ADAD2: variants seen among roughly 807,000 people sequenced by gnomAD.
ADAD2 encodes adenosine deaminase domain containing 2.
A neutral mutation model predicts 54.5 loss-of-function variants in ADAD2; 60 were observed. That is an observed-to-expected ratio of 1.10 (90% CI 0.89 to 1.36). ADAD2 has a LOEUF of 1.36. ADAD2 is among the 40% of genes most tolerant of loss of function. The pLI is 0.00. For missense variants in ADAD2, 1,103 were observed against 801.3 expected, an observed-to-expected ratio of 1.38 and a Z score of -4.54; for synonymous variants, 543 against 366.2, an observed-to-expected ratio of 1.48 and a Z score of -5.51.
At chr16:84,194,614 C>A (rs1164986195) in intron 2 of ADAD2, 32 bp downstream of exon 2, 1 of 1,583,652 alleles carries the variant, frequency 6.3e-7, no homozygotes, top group African/African-American at 1.3e-5. Flanking sequence ...AGCTGAGCCG[C>A]AGCTGGGGAC....
chr16:84,191,863 C>A, intron 1 of ADAD2: 1 of 717,922 alleles, frequency 1.4e-6, no homozygotes, highest in Non-Finnish European at 2.4e-6. Flanking sequence ...AGATGCTCAA[C>A]TGTGAAAGAG....
Position 84,191,469 on chromosome 16 carries a change from C to G in ADAD2, c.239C>G (p.Ala80Gly), listed in dbSNP as rs973545676. Residue 80 changes from alanine to glycine, a missense_variant, in exon 1 of 10, where the codon GCA becomes GGA. Coordinates refer to ENST00000315906, the MANE Select transcript of ADAD2 (RefSeq NM_001145400.2). ...GGGGCCGGAGTCGGGGAACTGGGGG[C>G]AGCCCGGGCGTGGGAAAACTTGGGG... ...GAGAGVGELG[A>G]ARAWENLGEQ... The G allele has an allele frequency of 4.6e-6, 7 of 1,532,944 alleles. No homozygotes were observed. Among genetic ancestry groups the G allele is most frequent in the Non-Finnish European group, 6.1e-6 (7 of 1,142,082 alleles). The allele number at this position is 1,532,944 out of a possible 1,614,324, so 95.0% of individuals were successfully genotyped here.
At position 84,196,861 on chromosome 16, in the gene ADAD2, C is replaced by G; in HGVS notation, c.1648-9C>G. On this transcript the variant is annotated splice_polypyrimidine_tract_variant and intron_variant, in intron 9 of 9. Coordinates refer to ENST00000315906, the MANE Select transcript of ADAD2 (RefSeq NM_001145400.2). Reference sequence around the variant, plus strand: ...CTCCTCTCACCCCACCTCTCATCTCCCGCCCTAGGCTGGGCCCTACCAGGA... The same window carrying G: ...CTCCTCTCACCCCACCTCTCATCTCGCGCCCTAGGCTGGGCCCTACCAGGA... 6.3e-7 allele frequency: 1 copy of G among 1,589,056 alleles called. No homozygotes were observed. Among genetic ancestry groups the G allele is most frequent in the Non-Finnish European group, 8.6e-7 (1 of 1,165,944 alleles).
In ADAD2 at chr16:84,191,391, C is replaced by T. The variant is rs548863737; in HGVS notation, c.161C>T (p.Ala54Val). Reference sequence around the variant, plus strand: ...GCGCCCGCGCCCGCGACGTATCGCGCGGAGGGCGGGTGGCCCCAGGTCTCG... The same window carrying T: ...GCGCCCGCGCCCGCGACGTATCGCGTGGAGGGCGGGTGGCCCCAGGTCTCG... The part of the protein sequence containing the change: ...GPAPAPATYR[A>V]EGGWPQVSVL... Residue 54 changes from alanine (A) to valine (V), a missense_variant, in exon 1 of 10, where the codon GCG becomes GTG. By Grantham distance (64) the Ala-to-Val change is moderately conservative. Transcript: ENST00000315906. 8 of 1,503,680 alleles carry T rather than the reference C, an allele frequency of 5.3e-6. 1 individual carries two copies. Among genetic ancestry groups the T allele is most frequent in the South Asian group, 3.8e-5 (3 of 79,008 alleles). The allele number at this position is 1,503,680 out of a possible 1,614,324, so 93.1% of individuals were successfully genotyped here. A position where few individuals can be genotyped will look rare whatever the true frequency, so the allele number is the denominator to read the frequency against.
chr16:84,195,530 G>A lies in ADAD2; in HGVS notation c.885G>A (p.Arg295=). The A allele has an allele frequency of 6.3e-7, 1 of 1,599,176 alleles. No homozygotes were observed. The highest frequency in any genetic ancestry group is 8.5e-7 in the Non-Finnish European group (1 of 1,171,950). ...GLVIARRALL[R]FLFRQLLLAT... is the part of the protein sequence containing the mutation. The stretch of plus-strand genomic sequence containing the variant: ...ACCACCCTGTGCCTGTCGCTCCTAG[G>A]TTCTTGTTCCGGCAGCTCCTGCTGG... Residue 295 remains arginine (R), a splice_region_variant and synonymous_variant, in exon 6 of 10, where the codon AGG becomes AGA. Coordinates refer to ENST00000315906, the MANE Select transcript of ADAD2 (RefSeq NM_001145400.2).
Position 84,194,533 on chromosome 16 carries a change from G to A in ADAD2, c.510G>A (p.Gln170=), listed in dbSNP as rs750764393. The A allele has an allele frequency of 1.2e-6, 2 of 1,611,398 alleles. No homozygotes were observed. The highest frequency in any genetic ancestry group is 1.1e-5 in the South Asian group (1 of 90,304). The change falls in exon 2 of 10, where the codon CAG becomes CAA. Residue 170 remains glutamine, a synonymous_variant. Transcript: ENST00000315906. ...ATAGCAAGACGGAGGCCAAACAGCA[G>A]GCAGCGCTCTCTGCCCTCTGCTACA... The part of the protein sequence containing the change: ...TANSKTEAKQ[Q]AALSALCYIR...
chr16:84,194,499 G>A lies in ADAD2; in HGVS notation c.476G>A (p.Gly159Asp), dbSNP rs771949137. The A allele has an allele frequency of 1.9e-6, 3 of 1,612,250 alleles. No individual in the cohort carries two copies. In the East Asian group the frequency reaches 6.7e-5, roughly 36 times the overall value. Residue 159 changes from glycine to aspartate, a missense_variant, in exon 2 of 10, where the codon GGC becomes GAC. By Grantham distance (94) the Gly-to-Asp change is moderately conservative (BLOSUM62 -1). Transcript: ENST00000315906. ...AELDGVVCPA[G>D]TANSKTEAKQ... ...CTGGATGGGGTGGTCTGCCCTGCGG[G>A]CACTGCGAATAGCAAGACGGAGGCC...
intron 1 of ADAD2, chr16:84,192,808 T>C (rs989888404): frequency 1.3e-5 from 2 of 151,686 alleles, no homozygotes; most frequent in African/African-American, 4.9e-5. Context: ...CCTCCCAAAG[T>C]GCTGGGATTA....
In ADAD2 at chr16:84,195,654, C is replaced by T; in HGVS notation, c.1009C>T (p.Leu337Phe). The T allele has an allele frequency of 1.3e-6, 2 of 1,592,896 alleles. No individual in the cohort carries two copies. The highest frequency in any genetic ancestry group is 1.7e-4 in the Middle Eastern group (1 of 5,936). The change falls in exon 6 of 10, where the codon CTC (leucine) becomes TTC (phenylalanine). Residue 337 changes from leucine to phenylalanine, a missense_variant. Transcript: ENST00000315906. ...CCTCAAGCCCCGCGTCTTCCTGCAC[C>T]TCTACATCAGCAACACCCCCAAGGG... ...FTLKPRVFLH[L>F]YISNTPKGAA... is the part of the protein sequence containing the mutation.
chr16:84,196,298 T>C lies in ADAD2; in HGVS notation c.1454T>C (p.Leu485Pro). ...CCCACCCCTGACACCTGCCGTGGCC[T>C]GAGCCTCAACTGGAGCCTGGGGGAC... The part of the protein sequence containing the change: ...SEPTPDTCRG[L>P]SLNWSLGDPG... The change falls in exon 8 of 10, where the codon CTG (leucine) becomes CCG (proline). Residue 485 changes from leucine (L) to proline (P), a missense_variant. Transcript: ENST00000315906. 6.2e-7 allele frequency: 1 copy of C among 1,612,956 alleles called. No homozygotes were observed. The highest frequency in any genetic ancestry group is 8.5e-7 in the Non-Finnish European group (1 of 1,179,976).
chr16:84,194,089 C>T, intron 1 of ADAD2: 1 of 1,614,030 alleles, frequency 6.2e-7, no homozygotes, highest in East Asian at 2.2e-5. Flanking sequence ...CAGAGCCTTC[C>T]TCCTGAGAAC....
Position 84,195,614 on chromosome 16 carries a change from C to T in ADAD2, c.969C>T (p.Pro323=), listed in dbSNP as rs746531516. 5.9e-5 allele frequency: 94 copies of T among 1,605,136 alleles called. 1 individual carries two copies. In the Middle Eastern group the frequency reaches 1.0e-3, roughly 17 times the overall value. ...CCGTGCTGGCCCCCCAGCCAGGGCC[C>T]GGACCCCCATTCACCCTCAAGCCCC... ...EQSVLAPQPG[P]GPPFTLKPRV... Residue 323 remains proline, a synonymous_variant, in exon 6 of 10, where the codon CCC becomes CCT. Coordinates refer to ENST00000315906, the MANE Select transcript of ADAD2 (RefSeq NM_001145400.2).
chr16:84,195,042 T>C, intron 3 of ADAD2, 27 bp from the exon 4 acceptor site: 2 of 1,612,554 alleles, frequency 1.2e-6, no homozygotes, highest in Non-Finnish European at 1.7e-6. Flanking sequence ...GGCCCCCTTC[T>C]ACCTGCAGTC....
At position 84,193,744 on chromosome 16, in the gene ADAD2, A is replaced by G. The variant is rs2089686946; in HGVS notation, c.419-698A>G. 3 of 358,374 alleles carry G rather than the reference A, an allele frequency of 8.4e-6. No individual in the cohort carries two copies. In the East Asian group the frequency reaches 1.3e-4, roughly 16 times the overall value. 22.2% of individuals were successfully genotyped at this position (358,374 alleles called of 1,614,324 possible). On this transcript the variant is annotated intron_variant, in intron 1 of 9. Coordinates refer to ENST00000315906, the MANE Select transcript of ADAD2 (RefSeq NM_001145400.2). Reference sequence around the variant, plus strand: ...GATGGCAGCCACATGCTGGCTTTCTAAGGCCAACATCCCTTCCACGTCTGT... The same window carrying G: ...GATGGCAGCCACATGCTGGCTTTCTGAGGCCAACATCCCTTCCACGTCTGT...
chr16:84,195,209 A>G lies in ADAD2; in HGVS notation c.733+15A>G, dbSNP rs527756289. 6.2e-7 allele frequency: 1 copy of G among 1,611,320 alleles called. No individual in the cohort carries two copies. Among genetic ancestry groups the G allele is most frequent in the Non-Finnish European group, 8.5e-7 (1 of 1,178,772 alleles). ...CCTGGAGAGGGGTAGGGATCGCCCC[A>G]GCCCTGGCCCTGGCCCCGGCCCCCT... On this transcript the variant is annotated intron_variant, in intron 4 of 9. Coordinates refer to ENST00000315906, the MANE Select transcript of ADAD2 (RefSeq NM_001145400.2).
At position 84,196,228 on chromosome 16, in the gene ADAD2, A is replaced by T. The variant is rs372399897; in HGVS notation, c.1384A>T (p.Thr462Ser). The T allele has an allele frequency of 7.9e-5, 127 of 1,611,288 alleles. No homozygotes were observed. The African/African-American group carries it at 1.5e-3, about 19-fold the overall frequency. The change falls in exon 8 of 10, where the codon ACC (threonine) becomes TCC (serine). Residue 462 changes from threonine (T) to serine (S), a missense_variant. By Grantham distance (58) the Thr-to-Ser change is moderately conservative. Transcript: ENST00000315906. The stretch of plus-strand genomic sequence containing the variant: ...ATGCCTGCCACCTCCCTACGTCCGG[A>T]CCGCCCTGCACCTGTTTGCAGGGCC... ...GPCLPPPYVRTALHLFAGPPV... is the reference protein window; with the variant it reads ...GPCLPPPYVRSALHLFAGPPV...
At position 84,194,530 on chromosome 16, in the gene ADAD2, G is replaced by A; in HGVS notation, c.507G>A (p.Gln169=). The change falls in exon 2 of 10, where the codon CAG becomes CAA. Residue 169 remains glutamine (Q), a synonymous_variant. Transcript: ENST00000315906. Reference sequence around the variant, plus strand: ...CGAATAGCAAGACGGAGGCCAAACAGCAGGCAGCGCTCTCTGCCCTCTGCT... The same window carrying A: ...CGAATAGCAAGACGGAGGCCAAACAACAGGCAGCGCTCTCTGCCCTCTGCT... ...GTANSKTEAK[Q]QAALSALCYI... 1 of 1,611,300 alleles carries A rather than the reference G, an allele frequency of 6.2e-7. No individual in the cohort carries two copies. The highest frequency in any genetic ancestry group is 8.5e-7 in the Non-Finnish European group (1 of 1,179,018).
In ADAD2 at chr16:84,191,311, C is replaced by G. The variant is rs1407810914; in HGVS notation, c.81C>G (p.Pro27=). ...TGGCTGCATCGTTGCAGATCAGCCC[C>G]CAGCCCCGCCCCTGGCGACCGCTAC... ...PRLAASLQIS[P]QPRPWRPLPA... Residue 27 remains proline, a synonymous_variant, in exon 1 of 10, where the codon CCC becomes CCG. Coordinates refer to ENST00000315906, the MANE Select transcript of ADAD2 (RefSeq NM_001145400.2). 3.1e-6 allele frequency: 5 copies of G among 1,588,982 alleles called. No homozygotes were observed. Among genetic ancestry groups the G allele is most frequent in the Non-Finnish European group, 4.3e-6 (5 of 1,167,308 alleles).
chr16:84,191,278 G>GC lies in ADAD2; in HGVS notation c.52dup (p.Arg18ProfsTer146). On this transcript the variant is annotated frameshift_variant, in exon 1 of 10. Coordinates refer to ENST00000315906, the MANE Select transcript of ADAD2 (RefSeq NM_001145400.2). LOFTEE classifies it high-confidence loss of function. ...CTGACGACGACGGCAGTCGTAGGAA[G>GC]CCCCGCCTGGCTGCATCGTTGCAGA... The GC allele has an allele frequency of 6.4e-7, 1 of 1,574,200 alleles. No homozygotes were observed. The highest frequency in any genetic ancestry group is 8.6e-7 in the Non-Finnish European group (1 of 1,165,274).
Sources: gnomAD v4.1 joint callset for allele counts on GRCh38, gnomAD v4.1.1 for gene constraint, MANE v1.5 for transcripts, NCBI Gene and HGNC (gene_info 2026-07-23, HGNC 2026-07-21) for gene names.